Variants in DCDC1 observed in about 807,000 individuals in gnomAD.
DCDC1 encodes the protein doublecortin domain-containing protein 1.
In DCDC1, 200 loss-of-function variants were observed where a neutral mutation model predicts 178.3. The ratio of observed to expected loss-of-function variants is 1.12; its 90% confidence interval spans 1.00 to 1.26. The LOEUF (loss-of-function observed/expected upper bound fraction) is 1.26, where lower values mean the gene tolerates loss of function less well. DCDC1 is among the 50% of genes most tolerant of loss of function. The pLI is 0.00. For synonymous variants in DCDC1, 690 were observed against 604.8 expected, an observed-to-expected ratio of 1.14 and a Z score of -2.07; for missense variants, 1,983 against 1,749.2, an observed-to-expected ratio of 1.13 and a Z score of -2.38.
At chr11:30,943,657 C>T (rs1485253027) in intron 21 of DCDC1, 1 of 452,496 alleles carries the variant, frequency 2.2e-6, no homozygotes, top group Non-Finnish European at 4.4e-6. Context: ...TTGAGTTCCT[C>T]TAATTTTTTC....
At chr11:31,294,724 A>AAGGGAGGG (rs201019954) in intron 6 of DCDC1, among the ~76,000 whole-genome samples, 1 of 71,442 alleles carries the variant, frequency 1.4e-5, no homozygotes, top group African/African-American at 4.8e-5. Context: ...GGAAGGAAGG[A>AAGGGAGGG]AGGGAGGGAG....
intron 1 of DCDC1, among the ~76,000 whole-genome samples, chr11:31,357,008 A>G (rs917251990): frequency 2.0e-5 from 3 of 150,982 alleles, no homozygotes; most frequent in African/African-American, 7.3e-5. Flanking sequence ...TACCAGAGGT[A>G]CAAGGAGGAA....
intron 20 of DCDC1, among the ~76,000 whole-genome samples, chr11:30,988,347 T>C (rs1392570945): frequency 6.6e-6 from 1 of 151,868 alleles, no homozygotes; most frequent in East Asian, 1.9e-4. Flanking sequence ...AACTTGGGGA[T>C]AGAATAGGTA....
chr11:31,186,188 C>T (rs573696689), intron 9 of DCDC1, among the ~76,000 whole-genome samples: 1 of 152,180 alleles, frequency 6.6e-6, no homozygotes, highest in East Asian at 1.9e-4. Flanking sequence ...GTGACCTGGC[C>T]CTCTCTTGTT....
chr11:30,995,489 A>C (rs947385408), intron 20 of DCDC1, among the ~76,000 whole-genome samples: 1 of 152,196 alleles, frequency 6.6e-6, no homozygotes, highest in East Asian at 1.9e-4. Context: ...GAAGACTCAC[A>C]CTACCCAATT....
At chr11:31,213,245 T>C (rs1013091673) in intron 9 of DCDC1, among the ~76,000 whole-genome samples, 2 of 151,092 alleles carry the variant, frequency 1.3e-5, no homozygotes. Context: ...TCTGGTTGGA[T>C]ATTTTCTATT....
intron 29 of DCDC1, among the ~76,000 whole-genome samples, chr11:30,907,186 A>T (rs1030757406): frequency 6.6e-6 from 1 of 152,232 alleles, no homozygotes; most frequent in Non-Finnish European, 1.5e-5. Flanking sequence ...AAATCCTATG[A>T]GTTTTAATGA....
At chr11:30,968,757 T>C (rs1949615919) in intron 20 of DCDC1, among the ~76,000 whole-genome samples, 2 of 80,858 alleles carry the variant, frequency 2.5e-5, no homozygotes, top group South Asian at 7.0e-4. Context: ...TTTCTGTGGT[T>C]TCAGGCATCC....
rs148530474 is a variant in DCDC1 at position 30,872,737 on chromosome 11, T to TA, written c.*40+5806dup. ...TAACTCACTTCCTTATATAAGGCTT[T>TA]AAACATGCCGTTCATTAAGTATGTC... On this transcript the variant is annotated intron_variant, in intron 38 of 38. Transcript: ENST00000684477. Among the ~76,000 whole-genome samples, 1,038 of 152,266 alleles carry TA rather than the reference T, an allele frequency of 6.8e-3. 9 individuals are homozygous for TA. Among genetic ancestry groups the TA allele is most frequent in the African/African-American group, 0.024 (989 of 41,554 alleles).
intron 20 of DCDC1, among the ~76,000 whole-genome samples, chr11:31,047,478 T>C (rs979764483): frequency 5.9e-5 from 9 of 152,170 alleles, no homozygotes; most frequent in African/African-American, 1.9e-4. Flanking sequence ...GTGATAAACA[T>C]GCATAAAGAG....
chr11:31,340,945 G>C (rs938668581), intron 1 of DCDC1, among the ~76,000 whole-genome samples: 3 of 152,150 alleles, frequency 2.0e-5, no homozygotes, highest in African/African-American at 7.2e-5. Flanking sequence ...TGGAGGGTGA[G>C]AGAATGAATT....
At position 30,899,535 on chromosome 11, in the gene DCDC1, A is replaced by T. The variant is rs375746853; in HGVS notation, c.4765+6T>A. 6.5e-7 allele frequency: 1 copy of T among 1,534,608 alleles called. No individual in the cohort carries two copies. Among genetic ancestry groups the T allele is most frequent in the Non-Finnish European group, 8.8e-7 (1 of 1,141,458 alleles). On this transcript the variant is annotated splice_donor_region_variant and intron_variant, in intron 34 of 38. Transcript: ENST00000684477. ...TATGGTTATGCTTGATATAGTTCAT[A>T]CTGACCTTTTAACTGTCTCATTTTG...
intron 25 of DCDC1, among the ~76,000 whole-genome samples, chr11:30,919,730 A>G (rs1022331594): frequency 1.3e-5 from 2 of 152,242 alleles, no homozygotes; most frequent in African/African-American, 4.8e-5. Context: ...ATAAACGTTC[A>G]TATTCTTATA....
chr11:31,118,202 G>C (rs1960256032), intron 11 of DCDC1, among the ~76,000 whole-genome samples: 1 of 151,968 alleles, frequency 6.6e-6, no homozygotes, highest in Non-Finnish European at 1.5e-5. Flanking sequence ...TCTTACCCTT[G>C]GAAAGAGTGT....
chr11:30,974,623 A>C (rs1190196923), intron 20 of DCDC1, among the ~76,000 whole-genome samples: 2 of 152,118 alleles, frequency 1.3e-5, no homozygotes, highest in Non-Finnish European at 2.9e-5. Flanking sequence ...GGAATGGGTA[A>C]ATTCCTGGAC....
chr11:31,322,047 C>A (rs937988933), intron 3 of DCDC1, among the ~76,000 whole-genome samples: 3 of 152,134 alleles, frequency 2.0e-5, no homozygotes, highest in Non-Finnish European at 2.9e-5. Flanking sequence ...TTTTCCCAGG[C>A]CCTTTGTATA....
chr11:31,104,001 A>T (rs1225840366), intron 13 of DCDC1, among the ~76,000 whole-genome samples: 2 of 152,196 alleles, frequency 1.3e-5, no homozygotes, highest in East Asian at 3.8e-4. Flanking sequence ...TATGTAATTT[A>T]AAAAATAATA....
At chr11:31,095,151 T>G (rs1358546591) in intron 15 of DCDC1, among the ~76,000 whole-genome samples, 1 of 152,198 alleles carries the variant, frequency 6.6e-6, no homozygotes, top group African/African-American at 2.4e-5. Flanking sequence ...TATTCCATGG[T>G]GTATATGTGC....
intron 17 of DCDC1, among the ~76,000 whole-genome samples, chr11:31,078,167 G>A (rs556891898): frequency 1.3e-5 from 2 of 152,222 alleles, no homozygotes; most frequent in Non-Finnish European, 2.9e-5. Context: ...GTTACCAGTA[G>A]CAACAGTGAT....
Sources: allele counts gnomAD v4.1 joint callset (sites outside exome capture counted in the v4.1 genomes callset), GRCh38; gene constraint gnomAD v4.1.1; transcripts MANE v1.5; gene names NCBI Gene and HGNC (gene_info 2026-07-23, HGNC 2026-07-21).